CEP290: variants seen among roughly 807,000 people sequenced by gnomAD.
CEP290 encodes centrosomal protein 290.
Under a neutral mutation model 344.9 loss-of-function variants are expected in CEP290, and 317 were observed. That is an observed-to-expected ratio of 0.92 (90% confidence interval 0.84 to 1.01). CEP290 has a LOEUF of 1.01. CEP290 is among the 50% of genes least tolerant of loss of function. CEP290 has a pLI of 0.00. For synonymous variants in CEP290, 932 were observed against 895.8 expected, an observed-to-expected ratio of 1.04 and a Z score of -0.72; for missense variants, 2,754 against 2,761.4, an observed-to-expected ratio of 1.00 and a Z score of 0.06.
intron 35 of CEP290, 33 bp downstream of exon 35, chr12:88,084,553 G>A (rs1248386988): frequency 6.4e-7 from 1 of 1,557,384 alleles, no homozygotes. Context: ...AAAACTAATG[G>A]ATAACAGCAT....
intron 41 of CEP290, among the ~76,000 whole-genome samples, chr12:88,075,721 T>A (rs2035718876): frequency 6.6e-6 from 1 of 152,194 alleles, no homozygotes; most frequent in African/African-American, 2.4e-5. Context: ...AAAGCATTTC[T>A]TGAGTATAAA....
Position 88,103,025 on chromosome 12 carries a change from G to T in CEP290, c.2818-14C>A, listed in dbSNP as rs762841660. 12 of 1,510,786 alleles carry T rather than the reference G, an allele frequency of 7.9e-6. No individual in the cohort carries two copies. The highest frequency in any genetic ancestry group is 1.1e-5 in the Non-Finnish European group (12 of 1,136,512). 93.6% of individuals were successfully genotyped at this position (1,510,786 alleles called of 1,614,324 possible). ...AATGGCCATTTCCTATGTAAATAAA[G>T]ATACACTGAGTTATGCTGGTGTCTT... On this transcript the variant is annotated splice_polypyrimidine_tract_variant and intron_variant, in intron 25 of 53. Transcript: ENST00000552810.
intron 11 of CEP290, 41 bp downstream of exon 11, chr12:88,128,905 T>C (rs960613954): frequency 4.8e-6 from 6 of 1,247,992 alleles, no homozygotes; most frequent in Non-Finnish European, 6.5e-6. Flanking sequence ...AAATCTAAAA[T>C]ACAAAAAGAA....
chr12:88,107,939 T>C (rs114258440), intron 23 of CEP290, among the ~76,000 whole-genome samples: 1,815 of 151,092 alleles, frequency 0.012, 30 homozygotes, highest in African/African-American at 0.042. Flanking sequence ...GTAATACATA[T>C]GTTAAGTAGC....
At chr12:88,084,468 T>G in intron 35 of CEP290, 118 bp downstream of exon 35, 3 of 955,926 alleles carry the variant, frequency 3.1e-6, no homozygotes, top group Non-Finnish European at 4.7e-6. Flanking sequence ...AAGTAACAAT[T>G]CTTAAATAGA....
At chr12:88,068,677 T>G (rs754300135) in intron 43 of CEP290, 32 bp from the exon 44 acceptor site, 4 of 1,548,806 alleles carry the variant, frequency 2.6e-6, no homozygotes, top group Non-Finnish European at 3.5e-6. Context: ...TCTTTACTAT[T>G]CACATTTCAT....
At chr12:88,104,302 G>T (rs2038115046) in intron 25 of CEP290, 1 of 151,962 alleles carries the variant, frequency 6.6e-6, no homozygotes. Context: ...GTGTTCCTAT[G>T]ATCCTGTCCA....
chr12:88,106,596 G>C, intron 25 of CEP290, 79 bp downstream of exon 25: 1 of 823,122 alleles, frequency 1.2e-6, no homozygotes, highest in Non-Finnish European at 1.9e-6. Flanking sequence ...CAGGTGATGA[G>C]CATTATTGAT....
chr12:88,057,461 A>G (rs562006286), intron 49 of CEP290, among the ~76,000 whole-genome samples: 1 of 152,348 alleles, frequency 6.6e-6, no homozygotes, highest in South Asian at 2.1e-4. Flanking sequence ...CAAGAAATCA[A>G]CTGACAGGAC....
At chr12:88,094,373 T>G (rs960316853) in intron 27 of CEP290, among the ~76,000 whole-genome samples, 1 of 152,094 alleles carries the variant, frequency 6.6e-6, no homozygotes, top group African/African-American at 2.4e-5. Flanking sequence ...TGAATATAAG[T>G]GCAATGACTT....
chr12:88,052,494 T>C (rs1456323564), intron 52 of CEP290, among the ~76,000 whole-genome samples: 1 of 152,190 alleles, frequency 6.6e-6, no homozygotes, highest in Non-Finnish European at 1.5e-5. Flanking sequence ...TTCAATTTTA[T>C]GTTACTTGCC....
rs536635786 is a variant in CEP290, at chr12:88,105,560, C to G, written c.2817+1115G>C. Among the ~76,000 whole-genome samples the G allele has an allele frequency of 8.5e-5, 13 of 152,268 alleles. No homozygotes were observed. The South Asian group carries it at 2.7e-3, about 32-fold the overall frequency. On this transcript the variant is annotated intron_variant, in intron 25 of 53. Coordinates refer to ENST00000552810, the MANE Select transcript of CEP290 (RefSeq NM_025114.4). ...TAATAAATGTAAGTGCATAATATAA[C>G]TAGAAAATTATGATGTTTGCAACTT... is the stretch of plus-strand genomic sequence containing the variant.
At chr12:88,101,480 C>CAAAAA (rs762783922) in intron 26 of CEP290, among the ~76,000 whole-genome samples, 1 of 44,272 alleles carries the variant, frequency 2.3e-5, no homozygotes, top group African/African-American at 9.4e-5. Context: ...GACTCTGCCT[C>CAAAAA]AAAAAAAAAA....
Position 88,080,410 on chromosome 12 carries a change from C to A in CEP290, c.5013-15G>T. 1 of 1,575,684 alleles carries A rather than the reference C, an allele frequency of 6.3e-7. No individual in the cohort carries two copies. Among genetic ancestry groups the A allele is most frequent in the East Asian group, 2.2e-5 (1 of 44,514 alleles). ...TTTCTTGAAGCCTGATGTAAATAAA[C>A]ATATGTGTGTGTGTGTTTTTTAATT... On this transcript the variant is annotated splice_polypyrimidine_tract_variant and intron_variant, in intron 37 of 53. Transcript: ENST00000552810.
chr12:88,073,561 A>T (rs1189108189), intron 41 of CEP290, among the ~76,000 whole-genome samples: 1 of 152,216 alleles, frequency 6.6e-6, no homozygotes, highest in African/African-American at 2.4e-5. Context: ...TTCAATTATA[A>T]TAGTAAAGGG....
intron 26 of CEP290, among the ~76,000 whole-genome samples, chr12:88,099,904 CATCTCTT>C (rs1331286995): frequency 2.3e-4 from 35 of 151,876 alleles, no homozygotes; most frequent in African/African-American, 8.0e-4. Context: ...TTACCACTTT[CATCTCTT>C]ATCTTCATCA....
At chr12:88,055,774 A>G in intron 49 of CEP290, 57 bp from the exon 50 acceptor site, 1 of 1,200,244 alleles carries the variant, frequency 8.3e-7, no homozygotes, top group Non-Finnish European at 1.1e-6. Flanking sequence ...TCACTGATTT[A>G]AAAGTCAGTT....
Position 88,084,721 on chromosome 12 carries a change from G to A in CEP290, c.4569C>T (p.Gly1523=), listed in dbSNP as rs1322766048. 4 of 1,613,554 alleles carry A rather than the reference G, an allele frequency of 2.5e-6. No individual in the cohort carries two copies. Among genetic ancestry groups the A allele is most frequent in the African/African-American group, 1.3e-5 (1 of 74,898 alleles). ...GAGATTTTGGTTCCATCTCTTTTCT[G>A]CCTAGCTCAGCTATGAGCTTTTCTC... ...AEREKLIAEL[G]RKEMEPKSHH... Residue 1523 remains glycine (G), a synonymous_variant, in exon 35 of 54, where the codon GGC becomes GGT. Coordinates refer to ENST00000552810, the MANE Select transcript of CEP290 (RefSeq NM_025114.4).
chr12:88,063,932 G>C, intron 45 of CEP290, 49 bp downstream of exon 45: 1 of 1,471,850 alleles, frequency 6.8e-7, no homozygotes, highest in Non-Finnish European at 9.2e-7. Context: ...TAACAACTAA[G>C]GAAGGAGTTT....
Sources: allele counts gnomAD v4.1 joint callset (sites outside exome capture counted in the v4.1 genomes callset), GRCh38; gene constraint gnomAD v4.1.1; transcripts MANE v1.5; gene names NCBI Gene and HGNC (gene_info 2026-07-23, HGNC 2026-07-21).